Variants in CDH13 observed in about 807,000 individuals in gnomAD.
CDH13 encodes cadherin-13.
CDH13 carries 24 observed loss-of-function variants against 63.8 expected under a neutral mutation model. That is an observed-to-expected ratio of 0.38 (90% CI 0.27 to 0.53). CDH13 has a LOEUF of 0.53. Among genes scored for constraint, CDH13 ranks in the 20% least tolerant of loss-of-function variants. The pLI is 0.85. For synonymous variants in CDH13, 503 were observed against 355.3 expected, an observed-to-expected ratio of 1.42 and a Z score of -4.67; for missense variants, 1,049 against 903.1, an observed-to-expected ratio of 1.16 and a Z score of -2.07.
intron 1 of CDH13, chr16:82,705,013 A>G: frequency 5.1e-6 from 2 of 389,588 alleles, no homozygotes; most frequent in South Asian, 2.0e-5. Flanking sequence ...ATGACCATGC[A>G]TTGCCACTGG....
chr16:83,282,859 T>TG (rs1332522120), intron 5 of CDH13, among the ~76,000 whole-genome samples: 1 of 152,238 alleles, frequency 6.6e-6, no homozygotes, highest in Admixed American at 6.5e-5. Context: ...ATTGAGCAAT[T>TG]GACCTCTGTG....
intron 1 of CDH13, among the ~76,000 whole-genome samples, chr16:82,851,871 C>T (rs966871137): frequency 3.9e-5 from 6 of 152,204 alleles, no homozygotes; most frequent in Non-Finnish European, 8.8e-5. Context: ...AGTATCCTTT[C>T]TTCCTCACAA....
intron 10 of CDH13, among the ~76,000 whole-genome samples, chr16:83,679,549 C>G (rs771390823): frequency 3.3e-5 from 5 of 152,228 alleles, no homozygotes; most frequent in African/African-American, 1.2e-4. Context: ...GCTAAGCTTT[C>G]TGAATGCCAG....
chr16:83,373,389 G>A (rs2091407050), intron 6 of CDH13, among the ~76,000 whole-genome samples: 1 of 152,122 alleles, frequency 6.6e-6, no homozygotes, highest in South Asian at 2.1e-4. Flanking sequence ...AGGCTCCCAG[G>A]CAGAAAGTGA....
At chr16:83,025,928 T>A (rs1915760476) in intron 2 of CDH13, among the ~76,000 whole-genome samples, 1 of 152,148 alleles carries the variant, frequency 6.6e-6, no homozygotes, top group African/African-American at 2.4e-5. Context: ...TCAGCACAGT[T>A]GTATCATAAT....
At chr16:83,534,451 G>A (rs755494845) in intron 7 of CDH13, among the ~76,000 whole-genome samples, 9 of 152,174 alleles carry the variant, frequency 5.9e-5, no homozygotes, top group Non-Finnish European at 1.0e-4. Flanking sequence ...AGTTCTTGCT[G>A]TTGAATCTGA....
intron 11 of CDH13, among the ~76,000 whole-genome samples, chr16:83,751,659 A>C (rs1362269318): frequency 1.3e-5 from 2 of 152,210 alleles, no homozygotes; most frequent in Non-Finnish European, 2.9e-5. Context: ...ATCTTAGTTG[A>C]TGGGGTCAGA....
intron 1 of CDH13, among the ~76,000 whole-genome samples, chr16:82,813,082 G>A (rs925343804): frequency 6.6e-6 from 1 of 152,170 alleles, no homozygotes; most frequent in African/African-American, 2.4e-5. Flanking sequence ...CCATCTTAGA[G>A]AAGAGCCTTT....
At chr16:82,908,790 C>T (rs935817756) in intron 2 of CDH13, among the ~76,000 whole-genome samples, 5 of 152,110 alleles carry the variant, frequency 3.3e-5, no homozygotes, top group Admixed American at 6.5e-5. Flanking sequence ...GTAATGTTTG[C>T]GTAAAACCTA....
intron 6 of CDH13, among the ~76,000 whole-genome samples, chr16:83,473,570 A>C (rs534797067): frequency 1.3e-5 from 2 of 151,942 alleles, no homozygotes; most frequent in Admixed American, 1.3e-4. Flanking sequence ...CTGCACTACA[A>C]CTCAAGGATA....
intron 2 of CDH13, among the ~76,000 whole-genome samples, chr16:82,891,132 T>G (rs2041067101): frequency 6.6e-6 from 1 of 151,886 alleles, no homozygotes; most frequent in Non-Finnish European, 1.5e-5. Flanking sequence ...CCCCAGCCTC[T>G]GTATCAGCAT....
At chr16:83,591,844 C>T (rs1906786100) in intron 7 of CDH13, among the ~76,000 whole-genome samples, 1 of 152,196 alleles carries the variant, frequency 6.6e-6, no homozygotes, top group African/African-American at 2.4e-5. Context: ...CCTTTGGTGT[C>T]CTGAACAGAA....
intron 3 of CDH13, among the ~76,000 whole-genome samples, chr16:83,056,790 T>C (rs888381646): frequency 2.6e-5 from 4 of 151,730 alleles, no homozygotes; most frequent in African/African-American, 9.7e-5. Flanking sequence ...GTTCTCGTGA[T>C]AGTGAATAAG....
intron 4 of CDH13, among the ~76,000 whole-genome samples, chr16:83,176,804 C>T (rs1255345128): frequency 6.6e-6 from 1 of 152,054 alleles, no homozygotes; most frequent in East Asian, 1.9e-4. Flanking sequence ...CTTCTAATTC[C>T]AAAGTTGTCT....
chr16:83,738,367 T>G (rs1434119666), intron 10 of CDH13, among the ~76,000 whole-genome samples: 1 of 152,270 alleles, frequency 6.6e-6, no homozygotes, highest in Admixed American at 6.5e-5. Flanking sequence ...ATACATAGGC[T>G]GGAAGCCTCT....
rs890284432 is a variant in CDH13 at position 83,270,188 on chromosome 16, A to G, written c.636+52691A>G. 1.8e-4 allele frequency among the ~76,000 whole-genome samples: 27 copies of G among 152,198 alleles called. 1 individual carries two copies. Among genetic ancestry groups the G allele is most frequent in the Admixed American group, 1.6e-3 (24 of 15,272 alleles). On this transcript the variant is annotated intron_variant, in intron 5 of 13. Coordinates refer to ENST00000567109, the MANE Select transcript of CDH13 (RefSeq NM_001257.5). ...GCAATAATCTATTGAAATAAGCCCA[A>G]AAAGGGGGCAGCTTGTAATTAAAAC...
chr16:83,037,703 C>G (rs181141830), intron 3 of CDH13, among the ~76,000 whole-genome samples: 398 of 152,216 alleles, frequency 2.6e-3, no homozygotes, highest in Non-Finnish European at 4.6e-3. Context: ...TGCTAGAGTA[C>G]AAATTTGAAG....
At chr16:83,760,077 C>T (rs1398592720) in intron 11 of CDH13, among the ~76,000 whole-genome samples, 1 of 151,974 alleles carries the variant, frequency 6.6e-6, no homozygotes, top group East Asian at 1.9e-4. Flanking sequence ...AGATGCTCAA[C>T]TTAATTAAAT....
chr16:82,644,500 A>C lies in CDH13; in HGVS notation c.45+17363A>C, dbSNP rs1321752637. On this transcript the variant is annotated intron_variant, in intron 1 of 13. Coordinates refer to ENST00000567109, the MANE Select transcript of CDH13 (RefSeq NM_001257.5). The surrounding 1 kb of genome is among the most constrained non-coding windows in gnomAD (Gnocchi z 5.7). The stretch of plus-strand genomic sequence containing the variant: ...TGAGTGACAAAGCCATTAGCCATGC[A>C]CAGTGAAACAAGGAAAGCAGCCTAG... Among the ~76,000 whole-genome samples the C allele has an allele frequency of 6.6e-6, 1 of 152,222 alleles. No individual in the cohort carries two copies. The highest frequency in any genetic ancestry group is 2.4e-5 in the African/African-American group (1 of 41,452).
Sources: gnomAD v4.1 joint callset for allele counts (sites outside exome capture counted in the v4.1 genomes callset) on GRCh38, gnomAD v4.1.1 for gene constraint, Gnocchi (gnomAD v3.1) non-coding constraint, MANE v1.5 for transcripts, NCBI Gene and HGNC (gene_info 2026-07-23, HGNC 2026-07-21) for gene names.